The following NCOA4 variants were observed in gnomAD, a reference collection of about 807,000 sequenced individuals.
NCOA4 encodes nuclear receptor coactivator 4, also known as 70 kDa AR-activator.
In NCOA4, 31 loss-of-function variants were observed where a neutral mutation model predicts 69.5. That is an observed-to-expected ratio of 0.45 (90% CI 0.34 to 0.60). NCOA4 has a LOEUF of 0.60. NCOA4 is among the 20% of genes least tolerant of loss of function. The probability of loss-of-function intolerance (pLI) is 0.02; values close to 1 mark genes in which losing one functional copy is unlikely to be tolerated. For synonymous variants in NCOA4, 228 were observed against 252.4 expected (o/e 0.90, Z 0.92); for missense variants, 600 against 719.2 (o/e 0.83, Z 1.90).
intron 1 of NCOA4, among the ~76,000 whole-genome samples, chr10:46,029,376 G>A (rs374065194): frequency 2.0e-4 from 31 of 152,244 alleles, no homozygotes; most frequent in Admixed American, 6.5e-4. Flanking sequence ...CTTCAAATGA[G>A]AAAACCAAGT....
At position 46,010,675 on chromosome 10, in the gene NCOA4, ACT is replaced by A; in HGVS notation, c.1244_1245del (p.Glu415ValfsTer4). 7 of 1,613,426 alleles carry A rather than the reference ACT, an allele frequency of 4.3e-6. No homozygotes were observed. The highest frequency in any genetic ancestry group is 1.7e-5 in the Admixed American group (1 of 59,924). On this transcript the variant is annotated frameshift_variant, in exon 8 of 10. Transcript: ENST00000581486. LOFTEE classifies it high-confidence loss of function. ...TTCTCACAATTCTCATCACACACAC[ACT>A]CTGCAAAGCTTGTGCAGGGCTCATT... ...RANEPCTSFA[E>X]CVCDENCEKE...
chr10:46,009,281 C>T lies in NCOA4; in HGVS notation c.1839+130G>A, dbSNP rs1410862993. ...TTTATGAGCTCCCCCGTCCCACCCT[C>T]ACTTGCCTAATATACATACTATTAA... On this transcript the variant is annotated intron_variant, in intron 9 of 9. Transcript: ENST00000581486. 11 of 1,478,480 alleles carry T rather than the reference C, an allele frequency of 7.4e-6. No homozygotes were observed. In the African/African-American group the frequency reaches 1.5e-4, roughly 21 times the overall value. 91.6% of individuals were successfully genotyped at this position (1,478,480 alleles called of 1,614,324 possible). A position where few individuals can be genotyped will look rare whatever the true frequency, so the allele number is the denominator to read the frequency against.
Position 46,012,948 on chromosome 10 carries a change from G to A in NCOA4, c.649C>T (p.Pro217Ser), listed in dbSNP as rs2132331723. 1 of 1,614,192 alleles carries A rather than the reference G, an allele frequency of 6.2e-7. No individual in the cohort carries two copies. The highest frequency in any genetic ancestry group is 8.5e-7 in the Non-Finnish European group (1 of 1,180,028). ...GSKPASGYQA[P>S]YIPSTDPQDW... ...TGGGGGTCGGTGCTGGGTATGTAAG[G>A]AGCTTGATAACCACTGGCAGGTTTG... Residue 217 changes from proline to serine, a missense_variant, in exon 7 of 10, where the codon CCT becomes TCT. By Grantham distance (74) the Pro-to-Ser change is moderately conservative. Transcript: ENST00000581486.
chr10:46,012,812 G>T, intron 7 of NCOA4, 71 bp downstream of exon 7: 1 of 1,549,444 alleles, frequency 6.5e-7, no homozygotes, highest in Non-Finnish European at 8.8e-7. Context: ...ATGACACATA[G>T]TACTACTGAT....
At chr10:46,012,820 G>T in intron 7 of NCOA4, 63 bp downstream of exon 7, 1 of 1,580,180 alleles carries the variant, frequency 6.3e-7, no homozygotes, top group Non-Finnish European at 8.6e-7. Flanking sequence ...TAGTACTACT[G>T]ATTAGTAACT....
chr10:46,007,711 C>T (rs1838929437), intron 9 of NCOA4, among the ~76,000 whole-genome samples: 1 of 151,490 alleles, frequency 6.6e-6, no homozygotes, highest in South Asian at 2.1e-4. Flanking sequence ...CCACCTCAGC[C>T]TCCTGAGTAG....
intron 1 of NCOA4, among the ~76,000 whole-genome samples, chr10:46,018,402 G>T (rs1201209006): frequency 6.6e-6 from 1 of 152,102 alleles, no homozygotes. Flanking sequence ...CAGTGTGCTG[G>T]GTCTGTGGGA....
intron 9 of NCOA4, among the ~76,000 whole-genome samples, chr10:46,008,654 TTAAA>T (rs1451607519): frequency 1.3e-5 from 2 of 152,218 alleles, no homozygotes; most frequent in African/African-American, 4.8e-5. Context: ...ATTTAGAATA[TTAAA>T]TAAACTTAGT....
At chr10:46,013,864 C>G in intron 5 of NCOA4, among the ~76,000 whole-genome samples, 1 of 152,274 alleles carries the variant, frequency 6.6e-6, no homozygotes, top group East Asian at 1.9e-4. Flanking sequence ...CCACTTTTAA[C>G]AAGACCCAAA....
intron 1 of NCOA4, among the ~76,000 whole-genome samples, 165 bp downstream of exon 1, chr10:46,030,361 G>T (rs963384914): frequency 3.3e-5 from 5 of 151,812 alleles, no homozygotes; most frequent in Non-Finnish European, 5.9e-5. Flanking sequence ...GCCCGGGCCC[G>T]GCGGGCAGGC....
chr10:46,007,156 G>T (rs1479866693), intron 9 of NCOA4, among the ~76,000 whole-genome samples: 5 of 152,014 alleles, frequency 3.3e-5, no homozygotes, highest in African/African-American at 1.2e-4. Context: ...AATTTAAAAA[G>T]CAAACAGCCT....
At chr10:46,008,236 T>A (rs1554920282) in intron 9 of NCOA4, among the ~76,000 whole-genome samples, 2 of 152,242 alleles carry the variant, frequency 1.3e-5, no homozygotes, top group African/African-American at 2.4e-5. Flanking sequence ...AGAAATACAT[T>A]TTTTAAGGCC....
chr10:46,007,581 C>CTTTTTTTTT (rs71026287), intron 9 of NCOA4, among the ~76,000 whole-genome samples: 31 of 85,484 alleles, frequency 3.6e-4, no homozygotes, highest in African/African-American at 1.3e-3. Context: ...GCCAGTGACT[C>CTTTTTTTTT]TTTTTTTTTT....
At chr10:46,012,083 A>AAAAAAAAAAAAAAC (rs1839256001) in intron 7 of NCOA4, among the ~76,000 whole-genome samples, 1 of 136,546 alleles carries the variant, frequency 7.3e-6, no homozygotes, top group Non-Finnish European at 1.5e-5. Flanking sequence ...AAAAAAAAAA[A>AAAAAAAAAAAAAAC]AAAAAAAAAA....
At chr10:46,022,574 T>C (rs782103036) in intron 1 of NCOA4, 1 of 402,012 alleles carries the variant, frequency 2.5e-6, no homozygotes, top group Non-Finnish European at 5.0e-6. Flanking sequence ...CATTCTCCTG[T>C]CTCAGCCTCC....
chr10:46,023,391 A>C, intron 1 of NCOA4: 1 of 985,666 alleles, frequency 1.0e-6, no homozygotes, highest in African/African-American at 1.7e-5. Flanking sequence ...TTTACCCCTG[A>C]CCCGAGTGCG....
intron 9 of NCOA4, among the ~76,000 whole-genome samples, chr10:46,008,886 C>A (rs1554920405): frequency 6.6e-6 from 1 of 152,190 alleles, no homozygotes; most frequent in East Asian, 1.9e-4. Flanking sequence ...AAGGCAAGAA[C>A]CTCCAACAGC....
At chr10:46,006,865 T>A (rs1167524456) in intron 9 of NCOA4, among the ~76,000 whole-genome samples, 6 of 152,200 alleles carry the variant, frequency 3.9e-5, no homozygotes, top group African/African-American at 1.2e-4. Flanking sequence ...AAAACAAGAT[T>A]GAAATTAGGC....
chr10:46,014,935 C>G lies in NCOA4; in HGVS notation c.290G>C (p.Gly97Ala). 1 of 1,613,496 alleles carries G rather than the reference C, an allele frequency of 6.2e-7. No homozygotes were observed. Among genetic ancestry groups the G allele is most frequent in the Non-Finnish European group, 8.5e-7 (1 of 1,179,702 alleles). Residue 97 changes from glycine (G) to alanine (A), a missense_variant, in exon 4 of 10, where the codon GGC (glycine) becomes GCC (alanine). Physicochemically the swap from Gly to Ala is moderately conservative, Grantham distance 60. Transcript: ENST00000581486. ...QQAQQLYSLLGQFNCLTHQLE... is the reference protein window; with the variant it reads ...QQAQQLYSLLAQFNCLTHQLE... Reference sequence around the variant, plus strand: ...TTGATGAGTAAGACAATTGAACTGGCCCAATAACTAAAAGAAAAATGAAAC... The same window carrying G: ...TTGATGAGTAAGACAATTGAACTGGGCCAATAACTAAAAGAAAAATGAAAC...
Sources: gnomAD v4.1 joint callset for allele counts (sites outside exome capture counted in the v4.1 genomes callset) on GRCh38, gnomAD v4.1.1 for gene constraint, MANE v1.5 for transcripts, NCBI Gene and HGNC (gene_info 2026-07-23, HGNC 2026-07-21) for gene names.